The following ZBTB49 variants were observed in gnomAD, a reference collection of about 807,000 sequenced individuals.
ZBTB49 encodes the protein zinc finger and BTB domain-containing protein 49.
Under a neutral mutation model 57.5 loss-of-function variants are expected in ZBTB49, and 43 were observed. That is an observed-to-expected ratio of 0.75 (90% CI 0.59 to 0.97). The LOEUF (loss-of-function observed/expected upper bound fraction) is 0.97. ZBTB49 is among the 50% of genes least tolerant of loss of function. The pLI, the probability that ZBTB49 is intolerant of heterozygous loss-of-function variation, is 0.00. For missense variants in ZBTB49, 938 were observed against 947.7 expected (o/e 0.99, Z 0.13); for synonymous variants, 369 against 362.1 (o/e 1.02, Z -0.22).
chr4:4,321,433 G>A lies in ZBTB49; in HGVS notation c.*117G>A. The A allele has an allele frequency of 9.3e-7, 1 of 1,072,586 alleles. No homozygotes were observed. The highest frequency in any genetic ancestry group is 1.3e-6 in the Non-Finnish European group (1 of 744,066). 66.4% of individuals were successfully genotyped at this position (1,072,586 alleles called of 1,614,324 possible). On this transcript the variant is annotated 3_prime_UTR_variant, in exon 8 of 8. Transcript: ENST00000337872. ...CTTCTAACTAGCCAGAGAATAGGTA[G>A]CTTCCCTCCTGATGATGGCTCATAA...
At chr4:4,299,776 G>GTTGTAT (rs1553803868) in intron 1 of ZBTB49, among the ~76,000 whole-genome samples, 151 bp from the exon 2 acceptor site, 1 of 103,636 alleles carries the variant, frequency 9.6e-6, no homozygotes. Flanking sequence ...CAGAAACAGA[G>GTTGTAT]GTGTGTGTGT....
chr4:4,304,250 G>T (rs1720643035), intron 3 of ZBTB49, among the ~76,000 whole-genome samples: 1 of 145,028 alleles, frequency 6.9e-6, no homozygotes, highest in Admixed American at 6.9e-5. Flanking sequence ...TTTTGAGACA[G>T]AGTTTCGCTC....
intron 4 of ZBTB49, among the ~76,000 whole-genome samples, chr4:4,309,794 A>G (rs1268461060): frequency 1.3e-5 from 2 of 152,230 alleles, no homozygotes; most frequent in African/African-American, 4.8e-5. Flanking sequence ...GGCCCAAGCT[A>G]TTACATTGTC....
chr4:4,295,805 A>G (rs189765204), intron 1 of ZBTB49, among the ~76,000 whole-genome samples: 7 of 152,314 alleles, frequency 4.6e-5, no homozygotes, highest in Non-Finnish European at 2.9e-5. Flanking sequence ...ACACGTTAGA[A>G]ACAAAGCTTT....
At chr4:4,301,520 A>G (rs1720471929) in intron 2 of ZBTB49, among the ~76,000 whole-genome samples, 1 of 152,232 alleles carries the variant, frequency 6.6e-6, no homozygotes, top group African/African-American at 2.4e-5. Context: ...ATGGCCTAAA[A>G]TATAATACTT....
chr4:4,300,665 C>A (rs891751313), intron 2 of ZBTB49, among the ~76,000 whole-genome samples: 2 of 151,482 alleles, frequency 1.3e-5, no homozygotes, highest in African/African-American at 4.9e-5. Context: ...TCTGTATTCC[C>A]AGCTACTCAG....
chr4:4,312,420 C>T (rs1478016991), intron 4 of ZBTB49, among the ~76,000 whole-genome samples: 1 of 152,196 alleles, frequency 6.6e-6, no homozygotes, highest in Admixed American at 6.5e-5. Flanking sequence ...TGTTATTCTT[C>T]GCAAAGCCTT....
chr4:4,316,022 T>C (rs746851243), intron 7 of ZBTB49, 52 bp downstream of exon 7: 1 of 1,599,400 alleles, frequency 6.3e-7, no homozygotes, highest in Non-Finnish European at 8.5e-7. Flanking sequence ...GGGAAGGGCT[T>C]TGTCCCCCAG....
chr4:4,305,192 A>G (rs145338608), intron 3 of ZBTB49, among the ~76,000 whole-genome samples: 1,897 of 151,822 alleles, frequency 0.012, 23 homozygotes, highest in South Asian at 0.049. Flanking sequence ...TTCAGGGTCA[A>G]GGAAGCCATT....
chr4:4,306,947 C>T (rs1372826), intron 4 of ZBTB49, among the ~76,000 whole-genome samples: 74,618 of 152,096 alleles, frequency 0.49, 18,646 homozygotes, highest in Middle Eastern at 0.61. Flanking sequence ...GGCAGCAGTG[C>T]ATGCCTCTGG....
intron 3 of ZBTB49, among the ~76,000 whole-genome samples, chr4:4,305,720 G>C (rs1169074008): frequency 6.6e-6 from 1 of 152,188 alleles, no homozygotes; most frequent in Non-Finnish European, 1.5e-5. Context: ...GGCTCTCTGT[G>C]CTCATACCTT....
At position 4,301,390 on chromosome 4, in the gene ZBTB49, C is replaced by A. The variant is rs559903213; in HGVS notation, c.153-599C>A. The stretch of plus-strand genomic sequence containing the variant: ...TTTGAACCACTGGCTGGCTGAAAAA[C>A]CTAACAGCCAAATAAATTACTGGTT... On this transcript the variant is annotated intron_variant, in intron 2 of 7. Coordinates refer to ENST00000337872, the MANE Select transcript of ZBTB49 (RefSeq NM_145291.4). 5.3e-5 allele frequency among the ~76,000 whole-genome samples: 8 copies of A among 152,160 alleles called. No homozygotes were observed. The South Asian group carries it at 1.5e-3, about 28-fold the overall frequency.
intron 1 of ZBTB49, among the ~76,000 whole-genome samples, chr4:4,290,811 C>T (rs1719861437): frequency 6.6e-6 from 1 of 152,238 alleles, no homozygotes; most frequent in Admixed American, 6.5e-5. Flanking sequence ...GGTGTGGCCT[C>T]TTTGTGCCTC....
intron 1 of ZBTB49, among the ~76,000 whole-genome samples, chr4:4,293,921 G>A (rs1577227745): frequency 6.6e-6 from 1 of 152,248 alleles, no homozygotes; most frequent in East Asian, 1.9e-4. Context: ...TTAAGGCAGA[G>A]CCTGTGCAGG....
At position 4,300,059 on chromosome 4, in the gene ZBTB49, G is replaced by C. The variant is rs137857478; in HGVS notation, c.114G>C (p.Ala38=). The C allele has an allele frequency of 1.2e-6, 2 of 1,614,130 alleles. No individual in the cohort carries two copies. Among genetic ancestry groups the C allele is most frequent in the East Asian group, 4.5e-5 (2 of 44,888 alleles). Residue 38 remains alanine, a synonymous_variant, in exon 2 of 8, where the codon GCG becomes GCC. Coordinates refer to ENST00000337872, the MANE Select transcript of ZBTB49 (RefSeq NM_145291.4). The part of the protein sequence containing the change: ...MLVVKGVCFK[A]HKNVLAAFSQ... ...TGGTAAAAGGAGTCTGCTTTAAAGC[G>C]CATAAGAATGTCCTGGCAGCATTCA...
rs191556116 is a variant in ZBTB49, at chr4:4,290,657, C to A, written c.-20+305C>A. Reference sequence around the variant, plus strand: ...CCTGGAAACCCCACCCGCGCCCTCTCATCTCCAGGCTTTGCCCGCTGGAAG... The same window carrying A: ...CCTGGAAACCCCACCCGCGCCCTCTAATCTCCAGGCTTTGCCCGCTGGAAG... On this transcript the variant is annotated intron_variant, in intron 1 of 7. Coordinates refer to ENST00000337872, the MANE Select transcript of ZBTB49 (RefSeq NM_145291.4). Among the ~76,000 whole-genome samples, 161 of 152,382 alleles carry A rather than the reference C, an allele frequency of 1.1e-3. 3 individuals are homozygous for A. Among genetic ancestry groups the A allele is most frequent in the Admixed American group, 0.01 (155 of 15,314 alleles).
At chr4:4,315,297 C>T (rs1274797658) in intron 5 of ZBTB49, among the ~76,000 whole-genome samples, 1 of 152,166 alleles carries the variant, frequency 6.6e-6, no homozygotes, top group African/African-American at 2.4e-5. Context: ...TGGCTCTGAA[C>T]TGGGGAGACT....
At position 4,321,056 on chromosome 4, in the gene ZBTB49, C is replaced by T. The variant is rs780028979; in HGVS notation, c.2038C>T (p.Pro680Ser). The T allele has an allele frequency of 8.1e-6, 13 of 1,614,172 alleles. No individual in the cohort carries two copies. Among genetic ancestry groups the T allele is most frequent in the Admixed American group, 3.3e-5 (2 of 60,014 alleles). Reference sequence around the variant, plus strand: ...TTTGGATCCTGGTAAACTTGCCAAGCCCCAGATGCAGCAGACACAGCCTCA... The same window carrying T: ...TTTGGATCCTGGTAAACTTGCCAAGTCCCAGATGCAGCAGACACAGCCTCA... ...LSLDPGKLAK[P>S]QMQQTQPQAY... is the part of the protein sequence containing the mutation. Residue 680 changes from proline to serine, a missense_variant, in exon 8 of 8, where the codon CCC becomes TCC. Around this residue, in one of 3 missense-constraint regions of ZBTB49, gnomAD observed 835 missense variants for 819.1 expected, o/e 1.02. Coordinates refer to ENST00000337872, the MANE Select transcript of ZBTB49 (RefSeq NM_145291.4).
At chr4:4,311,595 A>G (rs895874467) in intron 4 of ZBTB49, among the ~76,000 whole-genome samples, 3 of 152,096 alleles carry the variant, frequency 2.0e-5, no homozygotes, top group African/African-American at 7.2e-5. Flanking sequence ...AACTGAGACA[A>G]CTCCTTTATT....
Sources: allele counts gnomAD v4.1 joint callset (sites outside exome capture counted in the v4.1 genomes callset), GRCh38; gene constraint gnomAD v4.1.1; regional missense constraint gnomAD v4.1.1; transcripts MANE v1.5; gene names NCBI Gene and HGNC (gene_info 2026-07-23, HGNC 2026-07-21).